TACC2: variants seen among roughly 807,000 people sequenced by gnomAD.
The protein encoded by TACC2 is transforming acidic coiled-coil containing protein 2, also known as transforming acidic coiled-coil-containing protein 2.
A neutral mutation model predicts 227.3 loss-of-function variants in TACC2; 137 were observed. That is an observed-to-expected ratio of 0.60 (90% CI 0.52 to 0.69). The LOEUF (loss-of-function observed/expected upper bound fraction) is 0.69, where lower values mean the gene tolerates loss of function less well. TACC2 is among the 30% of genes least tolerant of loss of function. The pLI is 0.00. For synonymous variants in TACC2, 1,523 were observed against 1,487.5 expected, an observed-to-expected ratio of 1.02 and a Z score of -0.55; for missense variants, 3,470 against 3,694.4, an observed-to-expected ratio of 0.94 and a Z score of 1.57.
rs763504346 is a variant in TACC2 at position 122,211,194 on chromosome 10, C to G, written c.6769C>G (p.Pro2257Ala). The change falls in exon 9 of 23, where the codon CCA becomes GCA. Residue 2257 changes from proline (P) to alanine (A), a missense_variant. By Grantham distance (27) the Pro-to-Ala change is conservative (BLOSUM62 -1). This residue lies in a region of TACC2 where 593 missense variants were observed against 636.6 expected (regional missense o/e 0.93). Coordinates refer to ENST00000369005, the MANE Select transcript of TACC2 (RefSeq NM_206862.4). ...GGATAGCGGGGGGCAAGAGGACTCT[C>G]CAGCCAAAGGGCTCTCCGTAAGGCT... ...PSDSGGQEDS[P>A]AKGLSVRLEF... is the part of the protein sequence containing the mutation. The G allele has an allele frequency of 2.5e-6, 4 of 1,613,614 alleles. No homozygotes were observed. Among genetic ancestry groups the G allele is most frequent in the East Asian group, 2.2e-5 (1 of 44,850 alleles).
Position 122,011,614 on chromosome 10 carries a change from G to A in TACC2, c.-45-10323G>A, listed in dbSNP as rs12571866. Among the ~76,000 whole-genome samples, 20 of 152,046 alleles carry A rather than the reference G, an allele frequency of 1.3e-4. No individual in the cohort carries two copies. In the South Asian group the frequency reaches 3.5e-3, roughly 27 times the overall value. On this transcript the variant is annotated intron_variant, in intron 1 of 22. Coordinates refer to ENST00000369005, the MANE Select transcript of TACC2 (RefSeq NM_206862.4). Reference sequence around the variant, plus strand: ...AAGTGCTGGGATTACAGGTATGAGCGGCCGTGCCTGGCCATAGTCCCTCTC... The same window carrying A: ...AAGTGCTGGGATTACAGGTATGAGCAGCCGTGCCTGGCCATAGTCCCTCTC...
intron 8 of TACC2, among the ~76,000 whole-genome samples, chr10:122,204,192 G>GGGGAGA (rs1395459616): frequency 0.06 from 8,215 of 137,886 alleles, 905 homozygotes; most frequent in African/African-American, 0.21. Context: ...AGAGGGGGAG[G>GGGGAGA]GGGAGGGGGA....
At chr10:122,143,547 A>G (rs1406047222) in intron 6 of TACC2, 25 bp from the exon 7 acceptor site, 4 of 1,611,386 alleles carry the variant, frequency 2.5e-6, no homozygotes, top group South Asian at 1.1e-5. Flanking sequence ...CACCATGTGG[A>G]ATAATTCCCT....
rs762252775 is a variant in TACC2, at chr10:122,082,680, C to A, written c.180C>A (p.Thr60=). 1 of 1,613,426 alleles carries A rather than the reference C, an allele frequency of 6.2e-7. No individual in the cohort carries two copies. The highest frequency in any genetic ancestry group is 1.7e-5 in the Admixed American group (1 of 59,906). ...IGSVGLGGFC[T]ASESSASLDP... Reference sequence around the variant, plus strand: ...GCGTTGGGCTTGGAGGCTTCTGCACCGCTTCTGAGAGTTCTGCCAGCCTGG... The same window carrying A: ...GCGTTGGGCTTGGAGGCTTCTGCACAGCTTCTGAGAGTTCTGCCAGCCTGG... Residue 60 remains threonine, a synonymous_variant, in exon 4 of 23, where the codon ACC becomes ACA. Transcript: ENST00000369005.
intron 8 of TACC2, among the ~76,000 whole-genome samples, chr10:122,199,904 G>A (rs531820272): frequency 1.3e-5 from 2 of 152,226 alleles, no homozygotes; most frequent in African/African-American, 2.4e-5. Flanking sequence ...GTCCTCTTTC[G>A]TAAGGGCACT....
chr10:122,054,780 T>G (rs1170028132), intron 3 of TACC2, among the ~76,000 whole-genome samples: 1 of 152,174 alleles, frequency 6.6e-6, no homozygotes, highest in African/African-American at 2.4e-5. Flanking sequence ...CCACAGTGCT[T>G]AGGCTCCCAG....
At position 122,087,921 on chromosome 10, in the gene TACC2, G is replaced by A. The variant is rs1269586490; in HGVS notation, c.5421G>A (p.Lys1807=). The A allele has an allele frequency of 7.9e-6, 12 of 1,511,150 alleles. No homozygotes were observed. In the African/African-American group the frequency reaches 8.4e-5, roughly 11 times the overall value. The allele number at this position is 1,511,150 out of a possible 1,614,324, so 93.6% of individuals were successfully genotyped here. A position where few individuals can be genotyped will look rare whatever the true frequency, so the allele number is the denominator to read the frequency against. Residue 1807 remains lysine, a synonymous_variant, in exon 4 of 23, where the codon AAG becomes AAA. Transcript: ENST00000369005. ...AGCCTGACGAAACTCACGACCCGAA[G>A]CTGCAACATTTGGCTCCAGAAGAGC... The part of the protein sequence containing the change: ...PPEPDETHDP[K]LQHLAPEELH...
At chr10:122,118,799 C>T (rs1486579438) in intron 5 of TACC2, among the ~76,000 whole-genome samples, 3 of 152,120 alleles carry the variant, frequency 2.0e-5, no homozygotes, top group South Asian at 2.1e-4. Flanking sequence ...GGCTGAGTGG[C>T]CTGTTCTCAG....
intron 5 of TACC2, among the ~76,000 whole-genome samples, chr10:122,126,334 GT>G (rs1794403188): frequency 6.6e-6 from 1 of 151,936 alleles, no homozygotes; most frequent in African/African-American, 2.4e-5. Flanking sequence ...GTGTGTGTGT[GT>G]GTGTGTGTGT....
intron 5 of TACC2, among the ~76,000 whole-genome samples, chr10:122,114,391 T>TAA (rs2138147404): frequency 6.6e-6 from 1 of 152,370 alleles, no homozygotes; most frequent in Admixed American, 6.5e-5. Flanking sequence ...AGTTGAATCT[T>TAA]AAGCAGTGTT....
intron 3 of TACC2, among the ~76,000 whole-genome samples, chr10:122,063,452 T>C (rs2136480783): frequency 6.6e-6 from 1 of 152,362 alleles, no homozygotes; most frequent in Admixed American, 6.5e-5. Context: ...CTCCTGACTT[T>C]TGACGCTGGC....
At chr10:122,140,840 G>C (rs1016665862) in intron 6 of TACC2, among the ~76,000 whole-genome samples, 1 of 152,198 alleles carries the variant, frequency 6.6e-6, no homozygotes, top group Non-Finnish European at 1.5e-5. Flanking sequence ...GGCAGCTCAG[G>C]GGGAGTTCAA....
chr10:122,190,569 T>C (rs2094376676), intron 7 of TACC2, among the ~76,000 whole-genome samples: 1 of 152,196 alleles, frequency 6.6e-6, no homozygotes, highest in South Asian at 2.1e-4. Flanking sequence ...CTGTGTGCTA[T>C]TGGATACCAT....
chr10:122,166,595 A>G (rs937862996), intron 7 of TACC2, among the ~76,000 whole-genome samples: 1 of 152,194 alleles, frequency 6.6e-6, no homozygotes, highest in African/African-American at 2.4e-5. Context: ...GGGGCTTGCT[A>G]GAAACGCAGA....
intron 8 of TACC2, among the ~76,000 whole-genome samples, chr10:122,196,299 C>T (rs2094566139): frequency 1.3e-5 from 2 of 152,200 alleles, no homozygotes; most frequent in Non-Finnish European, 2.9e-5. Flanking sequence ...TGTTCCTAAA[C>T]CAGCAAACCC....
chr10:122,142,871 T>C (rs891538113), intron 6 of TACC2, among the ~76,000 whole-genome samples: 30 of 152,354 alleles, frequency 2.0e-4, no homozygotes, highest in African/African-American at 6.5e-4. Context: ...CTAGCCTTGC[T>C]TTTTGCCAGT....
At position 122,070,924 on chromosome 10, in the gene TACC2, G is replaced by GA. The variant is rs552998858; in HGVS notation, c.147-11712dup. The stretch of plus-strand genomic sequence containing the variant: ...GGGTAGCAGAGGAAGACCCTGTCTG[G>GA]AAAAAAAAAAAGGGATATAACAAAA... On this transcript the variant is annotated intron_variant, in intron 3 of 22. Transcript: ENST00000369005. Among the ~76,000 whole-genome samples the GA allele has an allele frequency of 1.1e-3, 150 of 142,846 alleles. 1 individual carries two copies. The highest frequency in any genetic ancestry group is 2.2e-3 in the South Asian group (10 of 4,500). 93.7% of individuals were successfully genotyped at this position (142,846 alleles called of 152,430 possible). A position where few individuals can be genotyped will look rare whatever the true frequency, so the allele number is the denominator to read the frequency against.
intron 5 of TACC2, among the ~76,000 whole-genome samples, chr10:122,089,258 C>T (rs993036629): frequency 6.6e-6 from 1 of 152,074 alleles, no homozygotes; most frequent in African/African-American, 2.4e-5. Flanking sequence ...AGAAAGAAAC[C>T]CTACAGCCCC....
At chr10:122,199,093 C>T (rs1011468370) in intron 8 of TACC2, among the ~76,000 whole-genome samples, 8 of 152,226 alleles carry the variant, frequency 5.3e-5, no homozygotes, top group Admixed American at 1.3e-4. Context: ...GGGAAAGGCC[C>T]GTGTTGGGGC....
Sources: allele counts gnomAD v4.1 joint callset (sites outside exome capture counted in the v4.1 genomes callset), GRCh38; gene constraint gnomAD v4.1.1; regional missense constraint gnomAD v4.1.1; transcripts MANE v1.5; gene names NCBI Gene and HGNC (gene_info 2026-07-23, HGNC 2026-07-21).